The following TIGD4 variants were observed in gnomAD, a reference collection of about 807,000 sequenced individuals.
The protein encoded by TIGD4 is tigger transposable element-derived protein 4.
Under a neutral mutation model 24.9 loss-of-function variants are expected in TIGD4, and 20 were observed. The observed-to-expected ratio is 0.80, with a 90% CI of 0.56 to 1.17. The LOEUF is 1.17. Ranked by LOEUF, TIGD4 falls within the 50% of genes most tolerant of loss-of-function variation. The pLI, the probability that TIGD4 is intolerant of heterozygous loss-of-function variation, is 0.00. For synonymous variants in TIGD4, 193 were observed against 211.0 expected, an observed-to-expected ratio of 0.91 and a Z score of 0.74; for missense variants, 566 against 591.0, an observed-to-expected ratio of 0.96 and a Z score of 0.44.
At chr4:152,777,512 GA>G (rs1241031985) in intron 1 of TIGD4, among the ~76,000 whole-genome samples, 1 of 140,394 alleles carries the variant, frequency 7.1e-6, no homozygotes, top group East Asian at 2.3e-4. Flanking sequence ...AAGAAAGGAA[GA>G]AAAGAAGGGA....
intron 1 of TIGD4, among the ~76,000 whole-genome samples, chr4:152,777,819 T>C (rs566911881): frequency 6.6e-6 from 1 of 152,232 alleles, no homozygotes; most frequent in South Asian, 2.1e-4. Flanking sequence ...GCTGCTTCCA[T>C]TGTCTCAAAG....
In TIGD4 at chr4:152,777,544, GAAAA is replaced by G. The variant is rs1382829388; in HGVS notation, c.-539+1934_-539+1937del. ...AGGGAGGGAGGGAGGAAGGAAGGAA[GAAAA>G]AAAGGAAGGAAGGAGGGGAGAAAGG... is the stretch of plus-strand genomic sequence containing the variant. On this transcript the variant is annotated intron_variant, in intron 1 of 1. Coordinates refer to ENST00000304337, the MANE Select transcript of TIGD4 (RefSeq NM_145720.4). 8.1e-5 allele frequency among the ~76,000 whole-genome samples: 10 copies of G among 123,186 alleles called. No homozygotes were observed. The East Asian group carries it at 2.5e-3, about 31-fold the overall frequency. 80.8% of individuals were successfully genotyped at this position (123,186 alleles called of 152,430 possible).
At position 152,770,976 on chromosome 4, in the gene TIGD4, GT is replaced by G; in HGVS notation, c.28del (p.Thr10LeufsTer4). The G allele has an allele frequency of 1.2e-6, 2 of 1,607,788 alleles. No individual in the cohort carries two copies. Reference sequence around the variant, plus strand: ...CTTTTTCTTCACTGTTACAGGCAGAGTTGAGGCATCCACAGAAGCTTCTGCC... The same window carrying G: ...CTTTTTCTTCACTGTTACAGGCAGAGTGAGGCATCCACAGAAGCTTCTGCC... MAEASVDAS[T>X]LPVTVKKKKS... On this transcript the variant is annotated frameshift_variant, in exon 2 of 2. Transcript: ENST00000304337. LOFTEE classifies it high-confidence loss of function.
At position 152,770,471 on chromosome 4, in the gene TIGD4, AT is replaced by A. The variant is rs762008334; in HGVS notation, c.533del (p.Asn178MetfsTer5). ...PYYLNDYHPK[N>X]VFNIKETGLL... is the part of the protein sequence containing the mutation. ...GCCCAGTCTCTTTTATATTAAAAAC[AT>A]TTTTAGGATGATAATCATTTAAATA... On this transcript the variant is annotated frameshift_variant, in exon 2 of 2. Transcript: ENST00000304337. LOFTEE classifies it high-confidence loss of function. 6.2e-7 allele frequency: 1 copy of A among 1,608,870 alleles called. No individual in the cohort carries two copies. Among genetic ancestry groups the A allele is most frequent in the South Asian group, 1.1e-5 (1 of 89,854 alleles).
At chr4:152,778,518 T>C (rs2149807730) in intron 1 of TIGD4, among the ~76,000 whole-genome samples, 1 of 152,372 alleles carries the variant, frequency 6.6e-6, no homozygotes, top group South Asian at 2.1e-4. Context: ...CAGTAAGCTA[T>C]AACAATTGAA....
In TIGD4 at chr4:152,770,180, T is replaced by C. The variant is rs747589082; in HGVS notation, c.825A>G (p.Glu275=). 1.7e-5 allele frequency: 27 copies of C among 1,614,104 alleles called. No homozygotes were observed. Among genetic ancestry groups the C allele is most frequent in the Non-Finnish European group, 2.2e-5 (26 of 1,179,948 alleles). Residue 275 remains glutamate, a synonymous_variant, in exon 2 of 2, where the codon GAA becomes GAG. Coordinates refer to ENST00000304337, the MANE Select transcript of TIGD4 (RefSeq NM_145720.4). ...CCACTCTTCGTTGCTGGGCTTGAAA[T>C]TCCTCATCAAGCTTTCGCATCCATT... ...FEQWMRKLDE[E]FQAQQRRVVI...
intron 1 of TIGD4, among the ~76,000 whole-genome samples, chr4:152,771,843 G>T (rs182968930): frequency 6.6e-6 from 1 of 152,042 alleles, no homozygotes; most frequent in Non-Finnish European, 1.5e-5. Context: ...CAAAATTAAA[G>T]AACTAAAAAT....
chr4:152,777,949 T>C (rs1730285610), intron 1 of TIGD4, among the ~76,000 whole-genome samples: 1 of 152,108 alleles, frequency 6.6e-6, no homozygotes, highest in East Asian at 1.9e-4. Context: ...ATTAATCCTG[T>C]GTATATATAG....
In TIGD4 at chr4:152,770,333, G is replaced by A; in HGVS notation, c.672C>T (p.Gly224=). 6.2e-7 allele frequency: 1 copy of A among 1,614,062 alleles called. No homozygotes were observed. The highest frequency in any genetic ancestry group is 8.5e-7 in the Non-Finnish European group (1 of 1,179,962). Residue 224 remains glycine (G), a synonymous_variant, in exon 2 of 2, where the codon GGC becomes GGT. Coordinates refer to ENST00000304337, the MANE Select transcript of TIGD4 (RefSeq NM_145720.4). ...TGACAAGCAAAGGAAGTTTCTCTGA[G>A]CCATCCATGTTTGTGCCAACCACCA... ...ITLVVGTNMD[G]SEKLPLLVIG...
At chr4:152,772,813 G>A (rs1397020793) in intron 1 of TIGD4, among the ~76,000 whole-genome samples, 4 of 151,856 alleles carry the variant, frequency 2.6e-5, no homozygotes, top group African/African-American at 4.8e-5. Flanking sequence ...CCAGGTTCAT[G>A]CGATTCTCCT....
rs372169052 is a variant in TIGD4 at position 152,770,568 on chromosome 4, G to A, written c.437C>T (p.Ala146Val). The change falls in exon 2 of 2, where the codon GCT becomes GTT. Residue 146 changes from alanine (A) to valine (V), a missense_variant. Physicochemically the swap from Ala to Val is moderately conservative, Grantham distance 64 (BLOSUM62 0). Transcript: ENST00000304337. ...FKSRYGLVFR[A>V]QPVEATGVPV... ...TACACCTGTAGCTTCTACAGGTTGAGCTCTGAATACTAAACCATACCTGGA... is the reference window on the plus strand; with the variant it reads ...TACACCTGTAGCTTCTACAGGTTGAACTCTGAATACTAAACCATACCTGGA... 1.7e-5 allele frequency: 27 copies of A among 1,611,984 alleles called. No individual in the cohort carries two copies. In the African/African-American group the frequency reaches 2.1e-4, roughly 13 times the overall value.
At chr4:152,777,138 C>T (rs983924762) in intron 1 of TIGD4, among the ~76,000 whole-genome samples, 1 of 120,206 alleles carries the variant, frequency 8.3e-6, no homozygotes, top group African/African-American at 3.2e-5. Flanking sequence ...TAAATTAGCA[C>T]TTTTCCTTCA....
chr4:152,773,158 G>A (rs923214940), intron 1 of TIGD4, among the ~76,000 whole-genome samples: 1 of 152,184 alleles, frequency 6.6e-6, no homozygotes, highest in Non-Finnish European at 1.5e-5. Context: ...GATGAGCAGT[G>A]TTACTTCTGT....
chr4:152,770,730 A>G lies in TIGD4; in HGVS notation c.275T>C (p.Met92Thr), dbSNP rs955551380. The G allele has an allele frequency of 2.0e-5, 32 of 1,610,176 alleles. No individual in the cohort carries two copies. The highest frequency in any genetic ancestry group is 2.7e-5 in the Non-Finnish European group (32 of 1,176,746). Residue 92 changes from methionine (M) to threonine (T), a missense_variant, in exon 2 of 2, where the codon ATG (methionine) becomes ACG (threonine). Coordinates refer to ENST00000304337, the MANE Select transcript of TIGD4 (RefSeq NM_145720.4). ...AFYTDLEEAL[M>T]RWYRIAQCLN... ...ACACTGAGCAATTCGATACCATCTC[A>G]TTAATGCCTCTTCCAGATCTGTGTA...
rs776622654 is a variant in TIGD4 at position 152,769,503 on chromosome 4, T to C, written c.1502A>G (p.Asp501Gly). 10 of 1,571,962 alleles carry C rather than the reference T, an allele frequency of 6.4e-6. No individual in the cohort carries two copies. The African/African-American group carries it at 1.4e-4, about 22-fold the overall frequency. ...TAAAGAGTTAATAAAATTTTCAAGG[T>C]CTGCTAAAGAATTTTGAAGTCCGTC... ...MNDGLQNSLA[D>G]LENFINSLSP... Residue 501 changes from aspartate (D) to glycine (G), a missense_variant, in exon 2 of 2, where the codon GAC becomes GGC. Transcript: ENST00000304337.
In TIGD4 at chr4:152,770,843, AGACAAT is replaced by A. The variant is rs1273202908; in HGVS notation, c.156_161del (p.Leu53_Ser54del). 6.2e-7 allele frequency: 1 copy of A among 1,613,558 alleles called. No individual in the cohort carries two copies. Among genetic ancestry groups the A allele is most frequent in the African/African-American group, 1.3e-5 (1 of 74,896 alleles). On this transcript the variant is annotated inframe_deletion, in exon 2 of 2. Coordinates refer to ENST00000304337, the MANE Select transcript of TIGD4 (RefSeq NM_145720.4). ...CTTTGTCTTTATTCTTCATAATAGAAGACAATGAATTTTTCTTTATTCCATATTCAG... is the reference window on the plus strand; with the variant it reads ...CTTTGTCTTTATTCTTCATAATAGAAGAATTTTTCTTTATTCCATATTCAG...
chr4:152,773,961 T>A (rs4359883), intron 1 of TIGD4, among the ~76,000 whole-genome samples: 34,854 of 152,038 alleles, frequency 0.23, 4,146 homozygotes, highest in Admixed American at 0.29. Flanking sequence ...AAATTTACTA[T>A]GAGAATCTCT....
At chr4:152,777,350 G>A (rs1410640885) in intron 1 of TIGD4, among the ~76,000 whole-genome samples, 1 of 152,172 alleles carries the variant, frequency 6.6e-6, no homozygotes, top group East Asian at 1.9e-4. Context: ...AGTTAAATGA[G>A]TAGATAATCT....
chr4:152,776,891 C>T (rs1730269115), intron 1 of TIGD4, among the ~76,000 whole-genome samples: 1 of 152,160 alleles, frequency 6.6e-6, no homozygotes, highest in Non-Finnish European at 1.5e-5. Flanking sequence ...AAAATGAATT[C>T]TCACAGGGAG....
Sources: allele counts gnomAD v4.1 joint callset (sites outside exome capture counted in the v4.1 genomes callset), GRCh38; gene constraint gnomAD v4.1.1; transcripts MANE v1.5; gene names NCBI Gene and HGNC (gene_info 2026-07-23, HGNC 2026-07-21).